PLXDC2: variants seen among roughly 807,000 people sequenced by gnomAD.
The protein encoded by PLXDC2 is plexin domain-containing protein 2.
In PLXDC2, 40 loss-of-function variants were observed where a neutral mutation model predicts 68.9. That is an observed-to-expected ratio of 0.58 (90% CI 0.45 to 0.76). The LOEUF (loss-of-function observed/expected upper bound fraction) is 0.76. PLXDC2 is among the 30% of genes least tolerant of loss of function. The pLI is 0.00. For missense variants in PLXDC2, 644 were observed against 661.9 expected (o/e 0.97, Z 0.30); for synonymous variants, 243 against 234.2 (o/e 1.04, Z -0.34).
At chr10:19,873,406 CT>C (rs1049862345) in intron 1 of PLXDC2, among the ~76,000 whole-genome samples, 1,388 of 115,668 alleles carry the variant, frequency 0.012, 6 homozygotes, top group African/African-American at 0.033. Flanking sequence ...TCTTCTTCGT[CT>C]TTTTTTTTTT....
rs562598666 is a variant in PLXDC2 at position 20,231,646 on chromosome 10, G to C, written c.1312+12544G>C. 2.0e-4 allele frequency among the ~76,000 whole-genome samples: 31 copies of C among 151,534 alleles called. No individual in the cohort carries two copies. The South Asian group carries it at 6.2e-3, about 31-fold the overall frequency. ...ACAGAGAATATTAACACAGTCATAA[G>C]CTTTTTTTTTGAAAATTTTAATAAA... On this transcript the variant is annotated intron_variant, in intron 12 of 13. Coordinates refer to ENST00000377252, the MANE Select transcript of PLXDC2 (RefSeq NM_032812.9).
intron 12 of PLXDC2, among the ~76,000 whole-genome samples, chr10:20,244,951 C>T (rs950313094): frequency 6.6e-6 from 1 of 152,058 alleles, no homozygotes; most frequent in African/African-American, 2.4e-5. Context: ...CCCATCTCCA[C>T]TAAACATACA....
rs1836202703 is a variant in PLXDC2 at position 20,289,496 on chromosome 10, T to C, written c.*9677T>C. The C allele has an allele frequency of 6.6e-6, 1 of 152,214 alleles. No individual in the cohort carries two copies. The highest frequency in any genetic ancestry group is 6.5e-5 in the Admixed American group (1 of 15,284). The allele number at this position is 152,214 out of a possible 1,614,324, so 9.4% of individuals were successfully genotyped here. The stretch of plus-strand genomic sequence containing the variant: ...AAGGTTCTCTATTATTCTGTCCTTC[T>C]TCCAAACTGGAAATGGCTGTATCTA... On this transcript the variant is annotated 3_prime_UTR_variant, in exon 14 of 14. Transcript: ENST00000377252.
At chr10:19,939,121 G>A (rs1833774136) in intron 1 of PLXDC2, among the ~76,000 whole-genome samples, 2 of 152,172 alleles carry the variant, frequency 1.3e-5, no homozygotes, top group African/African-American at 4.8e-5. Flanking sequence ...AGGCTCAAAT[G>A]AAATAAAGAT....
At chr10:20,069,741 G>C (rs1836284633) in intron 4 of PLXDC2, among the ~76,000 whole-genome samples, 1 of 152,172 alleles carries the variant, frequency 6.6e-6, no homozygotes, top group South Asian at 2.1e-4. Context: ...TGAGGCAGGA[G>C]GATCACTTGA....
intron 1 of PLXDC2, among the ~76,000 whole-genome samples, chr10:19,818,247 T>C (rs1294074214): frequency 6.6e-6 from 1 of 150,852 alleles, no homozygotes; most frequent in African/African-American, 2.4e-5. Flanking sequence ...TGTGTGTGTG[T>C]GTGTGTGTGT....
intron 1 of PLXDC2, among the ~76,000 whole-genome samples, chr10:19,870,263 T>C (rs867912238): frequency 1.3e-5 from 2 of 152,076 alleles, no homozygotes; most frequent in Non-Finnish European, 2.9e-5. Flanking sequence ...TCAACTAGGG[T>C]AGTTCAGCAA....
chr10:19,937,206 C>G (rs1833739445), intron 1 of PLXDC2, among the ~76,000 whole-genome samples: 1 of 152,106 alleles, frequency 6.6e-6, no homozygotes, highest in South Asian at 2.1e-4. Flanking sequence ...GCATGTGGGA[C>G]AAATTAATGG....
At position 20,285,455 on chromosome 10, in the gene PLXDC2, A is replaced by T. The variant is rs557078380; in HGVS notation, c.*5636A>T. 12 of 152,228 alleles carry T rather than the reference A, an allele frequency of 7.9e-5. No homozygotes were observed. The highest frequency in any genetic ancestry group is 2.6e-4 in the Admixed American group (4 of 15,286). 9.4% of individuals were successfully genotyped at this position (152,228 alleles called of 1,614,324 possible). ...TTTACAAGTAGATAGGATCAACAATACTCTATCAATTTTCAACTCCAATTT... is the reference window on the plus strand; with the variant it reads ...TTTACAAGTAGATAGGATCAACAATTCTCTATCAATTTTCAACTCCAATTT... On this transcript the variant is annotated 3_prime_UTR_variant, in exon 14 of 14. Transcript: ENST00000377252.
intron 2 of PLXDC2, among the ~76,000 whole-genome samples, chr10:20,041,453 T>G (rs1185532753): frequency 1.3e-5 from 2 of 152,186 alleles, no homozygotes; most frequent in Non-Finnish European, 2.9e-5. Context: ...GCCTATAAGA[T>G]TTCCTTGTTT....
chr10:20,278,729 C>G (rs867884013), intron 13 of PLXDC2, among the ~76,000 whole-genome samples: 1 of 151,984 alleles, frequency 6.6e-6, no homozygotes, highest in African/African-American at 2.4e-5. Flanking sequence ...TAGAAAGATA[C>G]CAAATGCCAG....
chr10:20,052,738 A>AG lies in PLXDC2; in HGVS notation c.471+5723_471+5724insG, dbSNP rs1220012457. On this transcript the variant is annotated intron_variant, in intron 3 of 13. Transcript: ENST00000377252. ...CAAATTATGCAAAAAAAAAAAAAAA[A>AG]AAAGAAAGAAAGAAAAAAAGAAAAG... is the stretch of plus-strand genomic sequence containing the variant. Among the ~76,000 whole-genome samples, 478 of 141,570 alleles carry AG rather than the reference A, an allele frequency of 3.4e-3. 2 individuals are homozygous for AG. The highest frequency in any genetic ancestry group is 7.2e-3 in the Admixed American group (97 of 13,396). 92.9% of individuals were successfully genotyped at this position (141,570 alleles called of 152,430 possible). A position where few individuals can be genotyped will look rare whatever the true frequency, so the allele number is the denominator to read the frequency against.
intron 1 of PLXDC2, among the ~76,000 whole-genome samples, chr10:19,829,944 T>A (rs1294525458): frequency 1.3e-5 from 2 of 152,202 alleles, no homozygotes; most frequent in Non-Finnish European, 2.9e-5. Flanking sequence ...TTTCTGAGCT[T>A]TGTAAATCTG....
Position 19,856,331 on chromosome 10 carries a change from A to C in PLXDC2, c.112+39140A>C, listed in dbSNP as rs563256187. Among the ~76,000 whole-genome samples, 77 of 152,014 alleles carry C rather than the reference A, an allele frequency of 5.1e-4. 1 individual carries two copies. Among genetic ancestry groups the C allele is most frequent in the African/African-American group, 1.7e-3 (72 of 41,452 alleles). On this transcript the variant is annotated intron_variant, in intron 1 of 13. Coordinates refer to ENST00000377252, the MANE Select transcript of PLXDC2 (RefSeq NM_032812.9). Reference sequence around the variant, plus strand: ...TACTAATAAAAGTGATTTTTATTAAAGATAACTCACAGTGGAAGCTTTATA... The same window carrying C: ...TACTAATAAAAGTGATTTTTATTAACGATAACTCACAGTGGAAGCTTTATA...
At chr10:20,212,926 A>C (rs1303826174) in intron 10 of PLXDC2, among the ~76,000 whole-genome samples, 2 of 152,172 alleles carry the variant, frequency 1.3e-5, no homozygotes, top group Non-Finnish European at 2.9e-5. Flanking sequence ...TAAAATGTTG[A>C]AAATGAATAT....
chr10:19,999,203 G>C (rs934570048), intron 1 of PLXDC2, among the ~76,000 whole-genome samples: 4 of 152,108 alleles, frequency 2.6e-5, no homozygotes, highest in African/African-American at 9.7e-5. Context: ...ATTTAAAAGG[G>C]GAGGGAAGGT....
At chr10:19,852,891 ATAGT>A (rs1454593346) in intron 1 of PLXDC2, among the ~76,000 whole-genome samples, 3 of 152,210 alleles carry the variant, frequency 2.0e-5, no homozygotes, top group Non-Finnish European at 2.9e-5. Context: ...AATTGTACTG[ATAGT>A]TCTAACTCAA....
intron 13 of PLXDC2, among the ~76,000 whole-genome samples, chr10:20,264,680 C>T (rs1451509745): frequency 2.0e-5 from 3 of 151,530 alleles, no homozygotes; most frequent in African/African-American, 7.3e-5. Flanking sequence ...AAACACAATT[C>T]TTAATGTATT....
intron 1 of PLXDC2, among the ~76,000 whole-genome samples, chr10:19,943,480 A>G (rs1833851873): frequency 6.6e-6 from 1 of 152,222 alleles, no homozygotes; most frequent in Non-Finnish European, 1.5e-5. Context: ...AGAAGACATT[A>G]TGTAAAATTC....
Sources: allele counts gnomAD v4.1 joint callset (sites outside exome capture counted in the v4.1 genomes callset), GRCh38; gene constraint gnomAD v4.1.1; transcripts MANE v1.5; gene names NCBI Gene and HGNC (gene_info 2026-07-23, HGNC 2026-07-21).